The following ABAT variants were observed in gnomAD, a reference collection of about 807,000 sequenced individuals.
The protein encoded by ABAT is 4-aminobutyrate aminotransferase, mitochondrial.
Under a neutral mutation model 64.6 loss-of-function variants are expected in ABAT, and 45 were observed. The observed-to-expected ratio is 0.70, with a 90% CI of 0.55 to 0.89. ABAT has a LOEUF of 0.89. ABAT is among the 40% of genes least tolerant of loss of function. The probability of loss-of-function intolerance (pLI) is 0.00; values close to 1 mark genes in which losing one functional copy is unlikely to be tolerated. For synonymous variants in ABAT, 297 were observed against 250.5 expected (o/e 1.19, Z -1.75); for missense variants, 633 against 658.4 (o/e 0.96, Z 0.42).
Position 8,781,504 on chromosome 16 carries a change from G to T in ABAT, c.*74G>T. ...AAATTGATTAGTTTGCCTAATTCAT[G>T]TTTTCACTTAAAAGTATCAGAGGTG... On this transcript the variant is annotated 3_prime_UTR_variant, in exon 16 of 16. Transcript: ENST00000268251. The surrounding 1 kb of genome is among the most constrained non-coding windows in gnomAD (Gnocchi z 4.5). The T allele has an allele frequency of 7.1e-7, 1 of 1,415,660 alleles. No homozygotes were observed. Among genetic ancestry groups the T allele is most frequent in the Non-Finnish European group, 9.5e-7 (1 of 1,052,380 alleles). The allele number at this position is 1,415,660 out of a possible 1,614,324, so 87.7% of individuals were successfully genotyped here. A position where few individuals can be genotyped will look rare whatever the true frequency, so the allele number is the denominator to read the frequency against.
chr16:8,774,854 G>T (rs2060219710), intron 12 of ABAT, 36 bp from the exon 13 acceptor site: 1 of 1,612,058 alleles, frequency 6.2e-7, no homozygotes, highest in South Asian at 1.1e-5. Context: ...CCTCCCACGG[G>T]TGTTTATTTC....
At chr16:8,713,370 T>C (rs1219879136) in intron 1 of ABAT, 1 of 158,598 alleles carries the variant, frequency 6.3e-6, no homozygotes, top group Non-Finnish European at 1.4e-5. Flanking sequence ...ATGATGTGTC[T>C]TATCCTTCTG....
At chr16:8,770,577 C>G (rs1232549635) in intron 11 of ABAT, among the ~76,000 whole-genome samples, 2 of 152,088 alleles carry the variant, frequency 1.3e-5, no homozygotes, top group Admixed American at 1.3e-4. Flanking sequence ...GTAGTTGGAA[C>G]TAAGGCACAT....
intron 1 of ABAT, among the ~76,000 whole-genome samples, chr16:8,727,022 A>AT (rs962999713): frequency 6.6e-6 from 1 of 151,984 alleles, no homozygotes; most frequent in Non-Finnish European, 1.5e-5. Context: ...TCTTTTGTCC[A>AT]TTTTTTGATC....
Position 8,781,950 on chromosome 16 carries a change from G to A in ABAT, c.*520G>A, listed in dbSNP as rs1166623125. The stretch of plus-strand genomic sequence containing the variant: ...CCCCACGCATGGTGCAGGAGGGACT[G>A]GACAGATCTGAGGAAGGCCGTAAAA... On this transcript the variant is annotated 3_prime_UTR_variant, in exon 16 of 16. Coordinates refer to ENST00000268251, the MANE Select transcript of ABAT (RefSeq NM_020686.6). The surrounding 1 kb of genome is among the most constrained non-coding windows in gnomAD (Gnocchi z 4.5). 1.8e-5 allele frequency: 4 copies of A among 217,988 alleles called. No individual in the cohort carries two copies. The Admixed American group carries it at 2.1e-4, about 11-fold the overall frequency. The allele number at this position is 217,988 out of a possible 1,614,324, so 13.5% of individuals were successfully genotyped here.
At chr16:8,753,582 T>A (rs2059554712) in intron 5 of ABAT, among the ~76,000 whole-genome samples, 1 of 152,236 alleles carries the variant, frequency 6.6e-6, no homozygotes, top group African/African-American at 2.4e-5. Flanking sequence ...GAGGTCTACC[T>A]GGAACAGGCT....
intron 2 of ABAT, among the ~76,000 whole-genome samples, chr16:8,743,952 C>T (rs894754785): frequency 2.0e-5 from 3 of 152,024 alleles, no homozygotes; most frequent in Non-Finnish European, 4.4e-5. Flanking sequence ...CTTGGATACA[C>T]CGCACCTGTC....
Position 8,717,833 on chromosome 16 carries a change from C to G in ABAT, c.-41-17866C>G, listed in dbSNP as rs569063771. Among the ~76,000 whole-genome samples the G allele has an allele frequency of 7.0e-4, 102 of 146,390 alleles. 1 individual carries two copies. Among genetic ancestry groups the G allele is most frequent in the Middle Eastern group, 7.0e-3 (2 of 286 alleles). On this transcript the variant is annotated intron_variant, in intron 1 of 15. Coordinates refer to ENST00000268251, the MANE Select transcript of ABAT (RefSeq NM_020686.6). Reference sequence around the variant, plus strand: ...TCCCAAATCACCTCTTTTTTTTTTTCTTTTAGAGATGGGGTCTCGCTCTGT... The same window carrying G: ...TCCCAAATCACCTCTTTTTTTTTTTGTTTTAGAGATGGGGTCTCGCTCTGT...
chr16:8,782,839 GC>G lies in ABAT; in HGVS notation c.*1411del, dbSNP rs1222082717. 1 of 152,122 alleles carries G rather than the reference GC, an allele frequency of 6.6e-6. No homozygotes were observed. Among genetic ancestry groups the G allele is most frequent in the African/African-American group, 2.4e-5 (1 of 41,404 alleles). The allele number at this position is 152,122 out of a possible 1,614,324, so 9.4% of individuals were successfully genotyped here. ...AAAGGAAGCCTCTTCATCTCCCGGT[GC>G]CTTGGTTGACTATTTTGGAAATAGG... is the stretch of plus-strand genomic sequence containing the variant. On this transcript the variant is annotated 3_prime_UTR_variant, in exon 16 of 16. Transcript: ENST00000268251.
intron 1 of ABAT, among the ~76,000 whole-genome samples, chr16:8,717,401 T>C (rs1272437477): frequency 2.0e-5 from 3 of 152,240 alleles, no homozygotes; most frequent in Non-Finnish European, 4.4e-5. Flanking sequence ...TTTTGCTTTT[T>C]TCATATGGCT....
chr16:8,687,219 G>A (rs2057475135), intron 1 of ABAT, among the ~76,000 whole-genome samples: 1 of 152,170 alleles, frequency 6.6e-6, no homozygotes, highest in African/African-American at 2.4e-5. Flanking sequence ...GCAGGTGCTA[G>A]TCTTGGGTCC....
At chr16:8,768,684 A>G in intron 10 of ABAT, 141 bp from the exon 11 acceptor site, 2 of 1,173,258 alleles carry the variant, frequency 1.7e-6, no homozygotes, top group Non-Finnish European at 2.5e-6. Flanking sequence ...TTAAACGATA[A>G]AAAGAACTGG....
At chr16:8,752,996 G>A (rs181622933) in intron 5 of ABAT, among the ~76,000 whole-genome samples, 4 of 151,960 alleles carry the variant, frequency 2.6e-5, no homozygotes, top group Admixed American at 6.6e-5. Context: ...TGATGGGCCC[G>A]AGTCTCAAGA....
chr16:8,749,079 C>A (rs78612531), intron 4 of ABAT, among the ~76,000 whole-genome samples: 1 of 148,800 alleles, frequency 6.7e-6, no homozygotes, highest in African/African-American at 2.5e-5. Context: ...GTCTTTTGTT[C>A]TTTTGTTCCT....
chr16:8,710,475 C>T (rs2058041962), intron 1 of ABAT, among the ~76,000 whole-genome samples: 1 of 151,996 alleles, frequency 6.6e-6, no homozygotes, highest in Non-Finnish European at 1.5e-5. Flanking sequence ...TAGTGGCTCA[C>T]ACCTTTAATC....
intron 1 of ABAT, among the ~76,000 whole-genome samples, chr16:8,680,680 G>A (rs541457318): frequency 1.3e-3 from 195 of 152,208 alleles, no homozygotes; most frequent in African/African-American, 4.6e-3. Context: ...CGCCTGCCTC[G>A]GCTTCCCAAA....
chr16:8,767,065 T>A (rs2059966952), intron 9 of ABAT, among the ~76,000 whole-genome samples: 1 of 152,186 alleles, frequency 6.6e-6, no homozygotes, highest in Non-Finnish European at 1.5e-5. Flanking sequence ...GAATTGGTGC[T>A]CAACCAGCCT....
chr16:8,735,237 T>C (rs1299874378), intron 1 of ABAT, among the ~76,000 whole-genome samples: 2 of 150,532 alleles, frequency 1.3e-5, no homozygotes, highest in East Asian at 3.9e-4. Flanking sequence ...TTTGGGTTGG[T>C]TTTTTTTGTT....
intron 6 of ABAT, among the ~76,000 whole-genome samples, chr16:8,761,465 C>T (rs2059796156): frequency 6.6e-6 from 1 of 152,238 alleles, no homozygotes; most frequent in South Asian, 2.1e-4. Flanking sequence ...TATTACTTGA[C>T]ATTTGCTCAT....
Sources: allele counts gnomAD v4.1 joint callset (sites outside exome capture counted in the v4.1 genomes callset), GRCh38; gene constraint gnomAD v4.1.1; non-coding constraint Gnocchi (gnomAD v3.1); transcripts MANE v1.5; gene names NCBI Gene and HGNC (gene_info 2026-07-23, HGNC 2026-07-21).